TUBA1C: variants seen among roughly 807,000 people sequenced by gnomAD.
The protein encoded by TUBA1C is tubulin alpha 1c, also known as tubulin alpha-1C chain.
Under a neutral mutation model 34.9 loss-of-function variants are expected in TUBA1C, and 16 were observed. The observed-to-expected ratio is 0.46, with a 90% confidence interval of 0.31 to 0.70. The LOEUF (loss-of-function observed/expected upper bound fraction) is 0.70, where lower values mean the gene tolerates loss of function less well. Ranked by LOEUF, TUBA1C falls within the 30% of genes least tolerant of loss-of-function variation. TUBA1C has a pLI of 0.05. For missense variants in TUBA1C, 329 were observed against 587.3 expected (o/e 0.56, Z 4.55); for synonymous variants, 177 against 215.9 (o/e 0.82, Z 1.58).
At position 49,270,851 on chromosome 12, in the gene TUBA1C, C is replaced by T. The variant is rs926045976; in HGVS notation, c.375+875C>T. On this transcript the variant is annotated intron_variant, in intron 3 of 3. Coordinates refer to ENST00000301072, the MANE Select transcript of TUBA1C (RefSeq NM_032704.5). ...AAAATTAGCCGGGCGTGGTGGTGGG[C>T]GCCTGTAGTCCTAGCTACTAGGGAG... 4.6e-5 allele frequency among the ~76,000 whole-genome samples: 7 copies of T among 152,140 alleles called. No homozygotes were observed. In the South Asian group the frequency reaches 1.0e-3, roughly 23 times the overall value.
Position 49,272,399 on chromosome 12 carries a change from G to A in TUBA1C, c.522G>A (p.Ala174=), listed in dbSNP as rs1057748. The stretch of plus-strand genomic sequence containing the variant: ...AGCTGGAGTTCTCCATTTACCCGGC[G>A]CCCCAGGTTTCCACAGCTGTAGTTG... ...KSKLEFSIYP[A]PQVSTAVVEP... The change falls in exon 4 of 4, where the codon GCG becomes GCA. Residue 174 remains alanine, a synonymous_variant. Transcript: ENST00000301072. The A allele has an allele frequency of 1.6e-4, 260 of 1,613,668 alleles. 1 individual carries two copies. The African/African-American group carries it at 1.8e-3, about 11-fold the overall frequency.
upstream of TUBA1C, chr12:49,265,003 G>T: frequency 1.1e-6 from 1 of 892,362 alleles, no homozygotes. Context: ...AGCGGCACGG[G>T]GCGGGGTCTG....
upstream of TUBA1C, among the ~76,000 whole-genome samples, chr12:49,261,787 G>T (rs943797011): frequency 2.0e-5 from 3 of 152,124 alleles, no homozygotes; most frequent in African/African-American, 7.2e-5. Flanking sequence ...CTAATGTTTT[G>T]TGATGTTTTG....
chr12:49,239,633 T>G (rs1942591178), intron 1 of TUBA1C, among the ~76,000 whole-genome samples: 1 of 148,432 alleles, frequency 6.7e-6, no homozygotes, highest in Non-Finnish European at 1.5e-5. Flanking sequence ...AGAGTAAGAC[T>G]CTGTCTCAAA....
intron 1 of TUBA1C, among the ~76,000 whole-genome samples, chr12:49,238,193 C>T (rs1942577567): frequency 6.6e-6 from 1 of 151,990 alleles, no homozygotes; most frequent in African/African-American, 2.4e-5. Flanking sequence ...GGGTATCGAA[C>T]TGTGACTAGA....
At chr12:49,267,006 T>TA (rs1374530340) in intron 1 of TUBA1C, among the ~76,000 whole-genome samples, 1 of 152,218 alleles carries the variant, frequency 6.6e-6, no homozygotes, top group Non-Finnish European at 1.5e-5. Context: ...CGGACTGGTT[T>TA]AGGTGAACAC....
At chr12:49,269,781 C>T in intron 2 of TUBA1C, 47 bp from the exon 3 acceptor site, 1 of 1,613,282 alleles carries the variant, frequency 6.2e-7, no homozygotes, top group Non-Finnish European at 8.5e-7. Flanking sequence ...CCCACTCTCC[C>T]TCCCCGCTCC....
intron 1 of TUBA1C, among the ~76,000 whole-genome samples, chr12:49,256,115 A>G (rs1706721015): frequency 1.3e-5 from 2 of 152,238 alleles, no homozygotes; most frequent in South Asian, 4.1e-4. Flanking sequence ...AAAAACAAAC[A>G]AACGAACAAC....
Position 49,272,695 on chromosome 12 carries a change from C to G in TUBA1C, c.818C>G (p.Ala273Gly). Residue 273 changes from alanine (A) to glycine (G), a missense_variant, in exon 4 of 4, where the codon GCC (alanine) becomes GGC (glycine). By Grantham distance (60) the Ala-to-Gly change is moderately conservative (BLOSUM62 0). Coordinates refer to ENST00000301072, the MANE Select transcript of TUBA1C (RefSeq NM_032704.5). ...ATCCACTTCCCTCTGGCCACATATG[C>G]CCCTGTCATCTCTGCTGAGAAAGCC... ...PRIHFPLATY[A>G]PVISAEKAYH... 1.2e-6 allele frequency: 2 copies of G among 1,612,448 alleles called. No homozygotes were observed. Among genetic ancestry groups the G allele is most frequent in the Non-Finnish European group, 1.7e-6 (2 of 1,179,858 alleles).
chr12:49,231,693 T>C (rs1235664439), intron 1 of TUBA1C, among the ~76,000 whole-genome samples: 2 of 150,894 alleles, frequency 1.3e-5, no homozygotes, highest in African/African-American at 5.0e-5. Flanking sequence ...GATAGATAGA[T>C]AGATAGACAG....
At chr12:49,229,336 C>T (rs1287978197) in intron 1 of TUBA1C, among the ~76,000 whole-genome samples, 1 of 152,076 alleles carries the variant, frequency 6.6e-6, no homozygotes, top group African/African-American at 2.4e-5. Flanking sequence ...CCATGCCCAG[C>T]TAATTTTTGT....
At chr12:49,237,193 G>A (rs1267266770) in intron 1 of TUBA1C, among the ~76,000 whole-genome samples, 2 of 152,114 alleles carry the variant, frequency 1.3e-5, no homozygotes, top group African/African-American at 4.8e-5. Context: ...GCTGAGGCAG[G>A]TGGATCATCT....
intron 3 of TUBA1C, among the ~76,000 whole-genome samples, chr12:49,270,846 G>T (rs1187805233): frequency 6.6e-6 from 1 of 152,150 alleles, no homozygotes; most frequent in Non-Finnish European, 1.5e-5. Context: ...GGGCGTGGTG[G>T]TGGGCGCCTG....
chr12:49,248,792 C>T (rs1365596628), intron 1 of TUBA1C, among the ~76,000 whole-genome samples: 71 of 145,206 alleles, frequency 4.9e-4, no homozygotes, highest in African/African-American at 1.6e-3. Flanking sequence ...GGCGTGAACC[C>T]GGGAGGCGGA....
chr12:49,265,708 A>C (rs1380043865), intron 1 of TUBA1C, among the ~76,000 whole-genome samples: 4 of 152,186 alleles, frequency 2.6e-5, no homozygotes, highest in Non-Finnish European at 5.9e-5. Context: ...AGTCCACTTG[A>C]GAATGGAGGC....
chr12:49,230,070 G>A (rs1440760133), intron 1 of TUBA1C, among the ~76,000 whole-genome samples: 3 of 151,034 alleles, frequency 2.0e-5, no homozygotes, highest in African/African-American at 7.3e-5. Flanking sequence ...ACAGGCATAA[G>A]TCAACATCCT....
chr12:49,246,656 A>C (rs1487403380), intron 1 of TUBA1C, among the ~76,000 whole-genome samples: 1 of 151,758 alleles, frequency 6.6e-6, no homozygotes, highest in Non-Finnish European at 1.5e-5. Flanking sequence ...GCCTGGGCGA[A>C]GAGCCCGTCT....
intron 1 of TUBA1C, among the ~76,000 whole-genome samples, chr12:49,247,486 C>T (rs936660816): frequency 6.6e-6 from 1 of 150,968 alleles, no homozygotes; most frequent in Non-Finnish European, 1.5e-5. Context: ...TGGCTAAGAT[C>T]AGATGTACTC....
chr12:49,247,961 A>AC (rs1942689782), intron 1 of TUBA1C, among the ~76,000 whole-genome samples: 1 of 150,692 alleles, frequency 6.6e-6, no homozygotes, highest in Non-Finnish European at 1.5e-5. Context: ...AAAAAAAAAA[A>AC]AAGAGAGAAA....
Sources: allele counts gnomAD v4.1 joint callset (sites outside exome capture counted in the v4.1 genomes callset), GRCh38; gene constraint gnomAD v4.1.1; transcripts MANE v1.5; gene names NCBI Gene and HGNC (gene_info 2026-07-23, HGNC 2026-07-21).